Variants in ANTXR1 observed in about 807,000 individuals in gnomAD.
ANTXR1 encodes ANTXR cell adhesion molecule 1.
ANTXR1 carries 19 observed loss-of-function variants against 78.1 expected under a neutral mutation model. That is an observed-to-expected ratio of 0.24 (90% CI 0.17 to 0.36). ANTXR1 has a LOEUF of 0.36. Ranked by LOEUF, ANTXR1 falls within the 10% of genes least tolerant of loss-of-function variation. The probability of loss-of-function intolerance (pLI) is 1.00; values close to 1 mark genes in which losing one functional copy is unlikely to be tolerated. For missense variants in ANTXR1, 518 were observed against 718.6 expected (o/e 0.72, Z 3.19); for synonymous variants, 273 against 260.5 (o/e 1.05, Z -0.46).
intron 12 of ANTXR1, among the ~76,000 whole-genome samples, chr2:69,148,358 CAG>C (rs1291027173): frequency 2.0e-5 from 3 of 152,216 alleles, no homozygotes; most frequent in Non-Finnish European, 4.4e-5. Context: ...CCCTGCTCTG[CAG>C]AGTGTCACCT....
intron 13 of ANTXR1, 82 bp downstream of exon 13, chr2:69,152,346 T>A: frequency 1.4e-6 from 2 of 1,386,346 alleles, no homozygotes; most frequent in Non-Finnish European, 2.1e-6. Context: ...AAGGGATTTT[T>A]AAAAAACTAA....
intron 12 of ANTXR1, among the ~76,000 whole-genome samples, chr2:69,139,782 A>G (rs562220158): frequency 6.6e-6 from 1 of 152,356 alleles, no homozygotes; most frequent in African/African-American, 2.4e-5. Context: ...GGGATGATCA[A>G]TCAGACCAAT....
intron 17 of ANTXR1, among the ~76,000 whole-genome samples, chr2:69,214,402 A>G (rs902672641): frequency 2.6e-5 from 4 of 152,186 alleles, no homozygotes; most frequent in Admixed American, 2.0e-4. Context: ...GCCACCACAT[A>G]CAGCCATGGC....
In ANTXR1 at chr2:69,013,723, G is replaced by T. The variant is rs1266728211; in HGVS notation, c.152+72G>T. The stretch of plus-strand genomic sequence containing the variant: ...AACGCTTTCGCCCCGGGCCGGGCTC[G>T]TTGGCAGGGTCGCCTGGGGACAGGA... On this transcript the variant is annotated intron_variant, in intron 1 of 17. Transcript: ENST00000303714. The surrounding 1 kb of genome is among the most constrained non-coding windows in gnomAD (Gnocchi z 5.0). 1.9e-6 allele frequency: 3 copies of T among 1,550,112 alleles called. No individual in the cohort carries two copies. The highest frequency in any genetic ancestry group is 2.7e-5 in the African/African-American group (2 of 73,018).
At chr2:69,017,732 A>G (rs915566861) in intron 1 of ANTXR1, among the ~76,000 whole-genome samples, 1 of 152,160 alleles carries the variant, frequency 6.6e-6, no homozygotes, top group African/African-American at 2.4e-5. Flanking sequence ...GTCAGGAAAA[A>G]TAGATTGCTG....
intron 13 of ANTXR1, among the ~76,000 whole-genome samples, chr2:69,161,986 G>A (rs1345026795): frequency 9.9e-5 from 15 of 151,650 alleles, no homozygotes; most frequent in East Asian, 1.9e-4. Context: ...ATTTATTTGA[G>A]CTAACCTCTG....
chr2:69,039,977 G>C (rs1187178225), intron 1 of ANTXR1, 67 bp from the exon 2 acceptor site: 3 of 1,318,992 alleles, frequency 2.3e-6, no homozygotes, highest in East Asian at 2.4e-5. Flanking sequence ...AGAATGTGAA[G>C]ATAAATAATA....
chr2:69,086,798 C>T (rs888428072), intron 8 of ANTXR1, among the ~76,000 whole-genome samples: 7 of 152,174 alleles, frequency 4.6e-5, no homozygotes, highest in Non-Finnish European at 1.0e-4. Flanking sequence ...TCATTTTGAC[C>T]ACTCTTCTTG....
At chr2:69,182,268 G>A (rs766411147) in intron 15 of ANTXR1, among the ~76,000 whole-genome samples, 51 of 152,136 alleles carry the variant, frequency 3.4e-4, no homozygotes, top group Non-Finnish European at 4.0e-4. Flanking sequence ...CCCGCTGCCT[G>A]GACAATTCCT....
Position 69,193,362 on chromosome 2 carries a change from C to G in ANTXR1, c.1381C>G (p.Leu461Val), listed in dbSNP as rs777385325. The change falls in exon 17 of 18, where the codon CTG becomes GTG. Residue 461 changes from leucine to valine, a missense_variant. Transcript: ENST00000303714. The part of the protein sequence containing the change: ...KGKLDALWVL[L>V]RKGYDRVSVM... ...AAAACTCGATGCCTTGTGGGTCCTA[C>G]TGAGGAAAGGATATGATCGTGTGTC... 1 of 1,613,790 alleles carries G rather than the reference C, an allele frequency of 6.2e-7. No individual in the cohort carries two copies. The highest frequency in any genetic ancestry group is 8.5e-7 in the Non-Finnish European group (1 of 1,179,898).
intron 10 of ANTXR1, among the ~76,000 whole-genome samples, chr2:69,122,402 G>A (rs1002769859): frequency 4.6e-5 from 7 of 152,078 alleles, no homozygotes; most frequent in South Asian, 2.1e-4. Flanking sequence ...ACCCTTAGAC[G>A]TGGAACTCCT....
At chr2:69,038,649 G>T (rs908671692) in intron 1 of ANTXR1, among the ~76,000 whole-genome samples, 2 of 152,128 alleles carry the variant, frequency 1.3e-5, no homozygotes, top group African/African-American at 4.8e-5. Context: ...TGTACTGGTG[G>T]ATTTATAATT....
intron 17 of ANTXR1, among the ~76,000 whole-genome samples, chr2:69,200,730 T>G (rs1674755222): frequency 6.6e-6 from 1 of 152,182 alleles, no homozygotes; most frequent in Non-Finnish European, 1.5e-5. Context: ...AGGACTAAAC[T>G]CTGGCTTCCA....
intron 3 of ANTXR1, among the ~76,000 whole-genome samples, chr2:69,068,874 G>A (rs1436180072): frequency 6.6e-6 from 1 of 152,198 alleles, no homozygotes; most frequent in African/African-American, 2.4e-5. Flanking sequence ...TAGAGAAGTA[G>A]TCCATTTCAA....
At chr2:69,113,562 G>A (rs114592804) in intron 10 of ANTXR1, among the ~76,000 whole-genome samples, 4,944 of 152,204 alleles carry the variant, frequency 0.032, 273 homozygotes, top group African/African-American at 0.11. Context: ...TGGCCCAAGT[G>A]TGTGCCCAAG....
intron 10 of ANTXR1, among the ~76,000 whole-genome samples, chr2:69,115,092 A>G (rs1672098743): frequency 6.6e-6 from 1 of 152,114 alleles, no homozygotes; most frequent in African/African-American, 2.4e-5. Context: ...GCATTGGAGG[A>G]TGTTCAGCAC....
chr2:69,112,088 G>A (rs767994388), intron 10 of ANTXR1, among the ~76,000 whole-genome samples: 8 of 152,198 alleles, frequency 5.3e-5, no homozygotes, highest in Non-Finnish European at 8.8e-5. Flanking sequence ...AGAATGAAGA[G>A]ACGTAAAGGA....
At position 69,013,684 on chromosome 2, in the gene ANTXR1, G is replaced by C. The variant is rs1452154922; in HGVS notation, c.152+33G>C. On this transcript the variant is annotated intron_variant, in intron 1 of 17. Coordinates refer to ENST00000303714, the MANE Select transcript of ANTXR1 (RefSeq NM_032208.3). This position sits in a 1 kb window ranked among gnomAD's most constrained non-coding sequence, Gnocchi z 5.0. The stretch of plus-strand genomic sequence containing the variant: ...CCGCGAGTTGTCCCCCCCACCCCAG[G>C]CTAAGCGGGCGAAAACGCTTTCGCC... 6.4e-7 allele frequency: 1 copy of C among 1,551,372 alleles called. No individual in the cohort carries two copies. Among genetic ancestry groups the C allele is most frequent in the Non-Finnish European group, 8.7e-7 (1 of 1,146,808 alleles).
intron 13 of ANTXR1, among the ~76,000 whole-genome samples, chr2:69,169,777 C>T (rs922784439): frequency 2.0e-5 from 3 of 152,262 alleles, no homozygotes; most frequent in African/African-American, 4.8e-5. Context: ...GGACCAGTGA[C>T]AGCTGAAGGA....
Sources: gnomAD v4.1 joint callset for allele counts (sites outside exome capture counted in the v4.1 genomes callset) on GRCh38, gnomAD v4.1.1 for gene constraint, Gnocchi (gnomAD v3.1) non-coding constraint, MANE v1.5 for transcripts, NCBI Gene and HGNC (gene_info 2026-07-23, HGNC 2026-07-21) for gene names.